The following PRKCH variants were observed in gnomAD, a reference collection of about 807,000 sequenced individuals.
The protein encoded by PRKCH is protein kinase C eta, also known as protein kinase C eta type.
Under a neutral mutation model 82.5 loss-of-function variants are expected in PRKCH, and 28 were observed. The observed-to-expected ratio is 0.34, with a 90% CI of 0.25 to 0.47. The LOEUF is 0.47. Among genes scored for constraint, PRKCH ranks in the 20% least tolerant of loss-of-function variants. The pLI is 1.00. For missense variants in PRKCH, 705 were observed against 881.8 expected (o/e 0.80, Z 2.54); for synonymous variants, 322 against 327.4 (o/e 0.98, Z 0.18).
intron 10 of PRKCH, among the ~76,000 whole-genome samples, chr14:61,522,607 C>T (rs544515443): frequency 6.6e-6 from 1 of 152,370 alleles, no homozygotes; most frequent in South Asian, 2.1e-4. Flanking sequence ...TCAAATGTCA[C>T]TTTCCTGGGA....
At position 61,200,407 on chromosome 14, in the gene PRKCH, GTGTT is replaced by G. The variant is rs1241770490; in HGVS notation, c.-19+12743_-19+12746del. On this transcript the variant is annotated intron_variant, in intron 1 of 3. Coordinates refer to the PRKCH transcript ENST00000555185. Reference sequence around the variant, plus strand: ...TGAGTGAGTGTGTGTGTGTGTGTGTGTGTTTGTGTGTTACAGGATATTATAAGAA... The same window carrying G: ...TGAGTGAGTGTGTGTGTGTGTGTGTGTGTGTGTTACAGGATATTATAAGAA... Among the ~76,000 whole-genome samples, 269 of 151,872 alleles carry G rather than the reference GTGTT, an allele frequency of 1.8e-3. 1 individual carries two copies. Among genetic ancestry groups the G allele is most frequent in the Middle Eastern group, 0.01 (3 of 294 alleles).
chr14:61,305,921 A>G (rs1287891409), intron 1 of PRKCH: 2 of 152,220 alleles, frequency 1.3e-5, no homozygotes, highest in Non-Finnish European at 2.9e-5. Flanking sequence ...GAATATTGTT[A>G]TAAAGGAGTT....
intron 9 of PRKCH, among the ~76,000 whole-genome samples, chr14:61,485,012 C>T (rs114713504): frequency 0.016 from 2,473 of 152,078 alleles, 67 homozygotes; most frequent in African/African-American, 0.057. Context: ...GCATGAGCCA[C>T]TGCACCCGGC....
intron 10 of PRKCH, among the ~76,000 whole-genome samples, chr14:61,491,891 TA>T (rs1566911366): frequency 4.6e-5 from 7 of 152,104 alleles, no homozygotes; most frequent in Admixed American, 4.6e-4. Flanking sequence ...ATTATACCAA[TA>T]AAAAGTAGCA....
intron 1 of PRKCH, among the ~76,000 whole-genome samples, chr14:61,370,709 T>C (rs2046354745): frequency 6.6e-6 from 1 of 152,116 alleles, no homozygotes. Context: ...GATTTTTTTC[T>C]CTTTCTTCGC....
intron 1 of PRKCH, among the ~76,000 whole-genome samples, chr14:61,324,929 A>T (rs1211627856): frequency 6.6e-6 from 1 of 152,190 alleles, no homozygotes; most frequent in African/African-American, 2.4e-5. Flanking sequence ...AAAACTATTG[A>T]AGTTGCAGGT....
chr14:61,289,325 C>T (rs2140097732), intron 1 of PRKCH, among the ~76,000 whole-genome samples: 1 of 152,282 alleles, frequency 6.6e-6, no homozygotes, highest in Non-Finnish European at 1.5e-5. Context: ...ACATAGTAGC[C>T]ATCTTCAGCA....
chr14:61,426,178 G>A (rs1249474281), intron 2 of PRKCH, among the ~76,000 whole-genome samples: 2 of 152,172 alleles, frequency 1.3e-5, no homozygotes, highest in East Asian at 3.9e-4. Flanking sequence ...TTCCAGGTCT[G>A]TGGGAAGCAG....
intron 2 of PRKCH, among the ~76,000 whole-genome samples, chr14:61,393,330 G>A (rs1214692760): frequency 6.6e-6 from 1 of 152,172 alleles, no homozygotes; most frequent in Admixed American, 6.5e-5. Context: ...AATTGAAATT[G>A]TGTTGGATCT....
chr14:61,439,258 C>T (rs117242317), intron 2 of PRKCH, among the ~76,000 whole-genome samples: 68 of 152,206 alleles, frequency 4.5e-4, no homozygotes, highest in East Asian at 1.3e-3. Flanking sequence ...CTCTGCATTC[C>T]GATGGTGAAG....
chr14:61,489,591 G>T (rs1279721078), intron 10 of PRKCH, among the ~76,000 whole-genome samples: 1 of 152,232 alleles, frequency 6.6e-6, no homozygotes, highest in Admixed American at 6.5e-5. Context: ...TGGTTGGAGG[G>T]TCTGGAACCT....
intron 1 of PRKCH, among the ~76,000 whole-genome samples, chr14:61,222,764 C>T (rs996496140): frequency 2.0e-5 from 3 of 152,216 alleles, no homozygotes; most frequent in Admixed American, 1.3e-4. Flanking sequence ...ATAAACTCTG[C>T]ATGGACAAAA....
At position 61,231,023 on chromosome 14, in the gene PRKCH, A is replaced by G. The variant is rs181024259; in HGVS notation, c.-19+43355A>G. The stretch of plus-strand genomic sequence containing the variant: ...ACTACTACATTGATTATATTCATTA[A>G]CAGGGAGATACATTCCAAGTTCAAG... On this transcript the variant is annotated intron_variant, in intron 1 of 3. Coordinates refer to the PRKCH transcript ENST00000555185. Among the ~76,000 whole-genome samples, 9 of 152,322 alleles carry G rather than the reference A, an allele frequency of 5.9e-5. No individual in the cohort carries two copies. The East Asian group carries it at 1.7e-3, about 29-fold the overall frequency.
chr14:61,359,080 T>C (rs2046189993), intron 1 of PRKCH, among the ~76,000 whole-genome samples: 1 of 152,230 alleles, frequency 6.6e-6, no homozygotes, highest in Non-Finnish European at 1.5e-5. Context: ...GCAGAAACCA[T>C]GTGTCATTCC....
intron 1 of PRKCH, among the ~76,000 whole-genome samples, chr14:61,308,270 T>C (rs1216707180): frequency 2.0e-5 from 3 of 152,364 alleles, no homozygotes; most frequent in Non-Finnish European, 4.4e-5. Context: ...GAAATATAGA[T>C]GCTAGAATGA....
At chr14:61,541,010 C>T (rs578057757) in intron 12 of PRKCH, among the ~76,000 whole-genome samples, 45 of 152,364 alleles carry the variant, frequency 3.0e-4, no homozygotes, top group African/African-American at 1.1e-3. Context: ...TCATCAGCCC[C>T]ATCTTGCATT....
At chr14:61,539,291 A>G (rs1211357783) in intron 12 of PRKCH, among the ~76,000 whole-genome samples, 1 of 152,172 alleles carries the variant, frequency 6.6e-6, no homozygotes, top group Non-Finnish European at 1.5e-5. Flanking sequence ...TTGGAAAGGA[A>G]TTGAGTATGT....
At chr14:61,472,771 G>A (rs572909249) in intron 9 of PRKCH, among the ~76,000 whole-genome samples, 9 of 152,308 alleles carry the variant, frequency 5.9e-5, no homozygotes, top group African/African-American at 2.2e-4. Flanking sequence ...AGGCTGAATA[G>A]TCTCTAAATA....
At chr14:61,449,896 CTCTCTGTGTG>C (rs1361766162) in intron 5 of PRKCH, among the ~76,000 whole-genome samples, 10 of 24,312 alleles carry the variant, frequency 4.1e-4, no homozygotes, top group East Asian at 2.5e-3. Context: ...CTCTCTCTCT[CTCTCTGTGTG>C]TGTGTGTGTG....
Sources: allele counts gnomAD v4.1 joint callset (sites outside exome capture counted in the v4.1 genomes callset), GRCh38; gene constraint gnomAD v4.1.1; transcripts MANE v1.5; gene names NCBI Gene and HGNC (gene_info 2026-07-23, HGNC 2026-07-21).